The following WDR7 variants were observed in gnomAD, a reference collection of about 807,000 sequenced individuals.
WDR7 encodes WD repeat domain 7.
In WDR7, 46 loss-of-function variants were observed where a neutral mutation model predicts 169.4. That is an observed-to-expected ratio of 0.27 (90% confidence interval 0.21 to 0.35). WDR7 has a LOEUF of 0.35. WDR7 is among the 10% of genes least tolerant of loss of function. WDR7 has a pLI of 1.00. For missense variants in WDR7, 1,534 were observed against 1,859.3 expected (o/e 0.83, Z 3.22); for synonymous variants, 612 against 666.8 (o/e 0.92, Z 1.27).
At chr18:56,902,755 T>C (rs2145569615) in intron 21 of WDR7, among the ~76,000 whole-genome samples, 1 of 152,282 alleles carries the variant, frequency 6.6e-6, no homozygotes, top group South Asian at 2.1e-4. Context: ...AATTAACAAC[T>C]GGACAAAAGA....
At chr18:56,965,643 T>G (rs1269837637) in intron 26 of WDR7, among the ~76,000 whole-genome samples, 2 of 152,096 alleles carry the variant, frequency 1.3e-5, no homozygotes, top group Non-Finnish European at 2.9e-5. Flanking sequence ...CGTTTATATA[T>G]TGTCTACTAC....
chr18:56,843,858 T>G (rs964263741), intron 20 of WDR7, among the ~76,000 whole-genome samples: 1 of 63,914 alleles, frequency 1.6e-5, no homozygotes, highest in African/African-American at 1.5e-4. Flanking sequence ...TTTTTCTTTC[T>G]TTTTTTTTTT....
chr18:56,692,442 T>G lies in WDR7; in HGVS notation c.966+625T>G, dbSNP rs910162224. Among the ~76,000 whole-genome samples, 64 of 150,886 alleles carry G rather than the reference T, an allele frequency of 4.2e-4. 1 individual carries two copies. Among genetic ancestry groups the G allele is most frequent in the African/African-American group, 8.3e-4 (34 of 41,152 alleles). On this transcript the variant is annotated intron_variant, in intron 9 of 27. Coordinates refer to ENST00000254442, the MANE Select transcript of WDR7 (RefSeq NM_015285.3). ...GCTTTGAAAGCAGAGTTTTTTTTGT[T>G]TTTTTTTTTTTTAATTGATGTTCTA...
intron 7 of WDR7, among the ~76,000 whole-genome samples, chr18:56,687,615 G>T (rs1050972624): frequency 6.6e-5 from 10 of 152,004 alleles, no homozygotes; most frequent in Non-Finnish European, 1.5e-4. Context: ...TATCACCCAG[G>T]TTCTTGTTTT....
chr18:56,692,433 T>G (rs982239672), intron 9 of WDR7, among the ~76,000 whole-genome samples: 1 of 35,384 alleles, frequency 2.8e-5, no homozygotes, highest in Non-Finnish European at 1.7e-4. Flanking sequence ...AAAGCAGAGT[T>G]TTTTTTGTTT....
At chr18:56,904,499 C>T (rs951284458) in intron 21 of WDR7, among the ~76,000 whole-genome samples, 1 of 152,112 alleles carries the variant, frequency 6.6e-6, no homozygotes, top group Admixed American at 6.6e-5. Flanking sequence ...ACTTTTGGGG[C>T]AACAATATGT....
chr18:56,828,425 A>C (rs1438978298), intron 20 of WDR7, among the ~76,000 whole-genome samples: 3 of 152,184 alleles, frequency 2.0e-5, no homozygotes, highest in Non-Finnish European at 4.4e-5. Context: ...GAGGGGTAAA[A>C]AGGAGAGATA....
intron 27 of WDR7, among the ~76,000 whole-genome samples, chr18:57,023,131 AGCTTTCTC>A (rs1388733891): frequency 1.3e-5 from 2 of 152,242 alleles, no homozygotes; most frequent in Non-Finnish European, 2.9e-5. Context: ...AAGTCCTTTC[AGCTTTCTC>A]AGGAAAATGC....
intron 20 of WDR7, among the ~76,000 whole-genome samples, chr18:56,863,986 A>G (rs2045846109): frequency 6.6e-6 from 1 of 151,740 alleles, no homozygotes; most frequent in Admixed American, 6.6e-5. Context: ...GTTTTATATA[A>G]TGTTATCTTC....
chr18:56,752,489 G>A (rs1007769214), intron 14 of WDR7, among the ~76,000 whole-genome samples: 3 of 151,954 alleles, frequency 2.0e-5, no homozygotes, highest in African/African-American at 4.8e-5. Flanking sequence ...ACTTATGTAC[G>A]CATCATCATC....
chr18:56,937,490 C>G (rs1024885114), intron 23 of WDR7, among the ~76,000 whole-genome samples: 1 of 152,200 alleles, frequency 6.6e-6, no homozygotes, highest in East Asian at 1.9e-4. Context: ...ATTATTATCT[C>G]TGACCTCTAC....
chr18:56,894,502 A>G (rs915523759), intron 21 of WDR7, among the ~76,000 whole-genome samples: 7 of 151,954 alleles, frequency 4.6e-5, no homozygotes, highest in Admixed American at 3.9e-4. Flanking sequence ...TCAATTTTCA[A>G]CTTCTCAATG....
intron 17 of WDR7, among the ~76,000 whole-genome samples, chr18:56,778,504 T>G (rs1365669386): frequency 6.6e-6 from 1 of 152,156 alleles, no homozygotes; most frequent in African/African-American, 2.4e-5. Flanking sequence ...AATGAGGAAT[T>G]TATTGTATAT....
chr18:56,776,938 T>A, intron 17 of WDR7, 58 bp downstream of exon 17: 1 of 1,466,026 alleles, frequency 6.8e-7, no homozygotes, highest in South Asian at 1.1e-5. Context: ...CTGACAGACA[T>A]GTTCTTTTTA....
intron 20 of WDR7, among the ~76,000 whole-genome samples, chr18:56,823,632 C>G (rs2045141906): frequency 6.6e-6 from 1 of 152,030 alleles, no homozygotes; most frequent in African/African-American, 2.4e-5. Flanking sequence ...CTTCCTAAAC[C>G]TCACCTTCTT....
intron 12 of WDR7, among the ~76,000 whole-genome samples, chr18:56,699,418 G>C (rs954175814): frequency 6.6e-6 from 1 of 152,160 alleles, no homozygotes; most frequent in African/African-American, 2.4e-5. Context: ...TAAACGTTTT[G>C]ATTGGGCAAT....
intron 26 of WDR7, among the ~76,000 whole-genome samples, chr18:56,999,018 A>G (rs2047937751): frequency 6.6e-6 from 1 of 152,206 alleles, no homozygotes; most frequent in South Asian, 2.1e-4. Context: ...ATAAGGTATT[A>G]TTTCCAATTT....
At chr18:56,901,403 G>A (rs139151991) in intron 21 of WDR7, among the ~76,000 whole-genome samples, 32 of 149,980 alleles carry the variant, frequency 2.1e-4, no homozygotes, top group African/African-American at 7.6e-4. Context: ...TCATGGGGTA[G>A]GTTTGAAAAC....
chr18:56,935,764 T>G, intron 22 of WDR7, 24 bp from the exon 23 acceptor site: 1 of 1,606,284 alleles, frequency 6.2e-7, no homozygotes, highest in Non-Finnish European at 8.5e-7. Context: ...TTTCTTTTTT[T>G]CCCTTTTTCT....
Sources: gnomAD v4.1 joint callset for allele counts (sites outside exome capture counted in the v4.1 genomes callset) on GRCh38, gnomAD v4.1.1 for gene constraint, MANE v1.5 for transcripts, NCBI Gene and HGNC (gene_info 2026-07-23, HGNC 2026-07-21) for gene names.